The following CDK19 variants were observed in gnomAD, a reference collection of about 807,000 sequenced individuals.
The protein encoded by CDK19 is cyclin dependent kinase 19, also known as cyclin-dependent kinase 19.
CDK19 carries 20 observed loss-of-function variants against 68.3 expected under a neutral mutation model. The ratio of observed to expected loss-of-function variants is 0.29; its 90% confidence interval spans 0.21 to 0.43. The LOEUF is 0.43. Ranked by LOEUF, CDK19 falls within the 20% of genes least tolerant of loss-of-function variation. The pLI, the probability that CDK19 is intolerant of heterozygous loss-of-function variation, is 1.00. For missense variants in CDK19, 339 were observed against 623.5 expected (o/e 0.54, Z 4.86); for synonymous variants, 221 against 222.8 (o/e 0.99, Z 0.07).
chr6:110,726,045 G>A (rs754993618), intron 2 of CDK19, among the ~76,000 whole-genome samples: 32 of 151,514 alleles, frequency 2.1e-4, no homozygotes, highest in Non-Finnish European at 4.0e-4. Context: ...GTTGCTATGG[G>A]AACAACATTT....
intron 3 of CDK19, among the ~76,000 whole-genome samples, chr6:110,669,168 A>G (rs986946364): frequency 5.9e-5 from 9 of 152,226 alleles, no homozygotes; most frequent in Non-Finnish European, 5.9e-5. Context: ...ATATCCATGA[A>G]AAGAATTGAA....
intron 4 of CDK19, among the ~76,000 whole-genome samples, chr6:110,640,840 C>T (rs562858184): frequency 6.6e-6 from 1 of 152,128 alleles, no homozygotes; most frequent in East Asian, 1.9e-4. Flanking sequence ...GCCTGTGGTC[C>T]CAGCTACTTG....
intron 4 of CDK19, among the ~76,000 whole-genome samples, chr6:110,651,000 T>C (rs897250459): frequency 1.1e-4 from 17 of 151,972 alleles, no homozygotes; most frequent in East Asian, 7.7e-4. Context: ...TAGGAAAAAC[T>C]TGGGTGAGCG....
chr6:110,748,459 A>T (rs1778227591), intron 1 of CDK19, among the ~76,000 whole-genome samples: 1 of 152,212 alleles, frequency 6.6e-6, no homozygotes, highest in South Asian at 2.1e-4. Flanking sequence ...ATACTAAAAA[A>T]TTTGCAATTT....
chr6:110,756,748 A>G (rs1163953207), intron 1 of CDK19, among the ~76,000 whole-genome samples: 1 of 152,190 alleles, frequency 6.6e-6, no homozygotes, highest in Non-Finnish European at 1.5e-5. Flanking sequence ...AGCTGAAGGT[A>G]ACTGAGATTT....
intron 2 of CDK19, among the ~76,000 whole-genome samples, chr6:110,707,507 C>T (rs1176897059): frequency 4.6e-5 from 7 of 152,136 alleles, no homozygotes; most frequent in Non-Finnish European, 8.8e-5. Flanking sequence ...TGCACACAAA[C>T]ATACAATATT....
chr6:110,735,336 A>G (rs546601356), intron 2 of CDK19, among the ~76,000 whole-genome samples: 1 of 152,150 alleles, frequency 6.6e-6, no homozygotes, highest in African/African-American at 2.4e-5. Context: ...TATCAAAACA[A>G]ATACCACTCC....
rs574904880 is a variant in CDK19, at chr6:110,665,129, A to C, written c.456+2305T>G. On this transcript the variant is annotated intron_variant, in intron 4 of 12. Coordinates refer to ENST00000368911, the MANE Select transcript of CDK19 (RefSeq NM_015076.5). The stretch of plus-strand genomic sequence containing the variant: ...ATGAGGAACTATTTCAAAGTTCTTG[A>C]GCAGGAGCTGAGTAATTAGTCAGAA... Among the ~76,000 whole-genome samples the C allele has an allele frequency of 2.6e-5, 4 of 152,360 alleles. 1 individual carries two copies. In the South Asian group the frequency reaches 8.3e-4, roughly 32 times the overall value.
chr6:110,741,300 T>TAA (rs111770926), intron 2 of CDK19, among the ~76,000 whole-genome samples: 1 of 144,084 alleles, frequency 6.9e-6, no homozygotes, highest in Non-Finnish European at 1.5e-5. Flanking sequence ...TACAAAAAAT[T>TAA]AAAAAAAAAA....
rs1777949878 is a variant in CDK19, at chr6:110,610,209, C to T, written c.*4326G>A. ...GAAAAGCTACAGTCATCTCTATAACCATATAAAGGGGGATGCGTGCAGAAA... is the reference window on the plus strand; with the variant it reads ...GAAAAGCTACAGTCATCTCTATAACTATATAAAGGGGGATGCGTGCAGAAA... On this transcript the variant is annotated 3_prime_UTR_variant, in exon 13 of 13. Coordinates refer to ENST00000368911, the MANE Select transcript of CDK19 (RefSeq NM_015076.5). 1 of 152,294 alleles carries T rather than the reference C, an allele frequency of 6.6e-6. No homozygotes were observed. Among genetic ancestry groups the T allele is most frequent in the Non-Finnish European group, 1.5e-5 (1 of 68,014 alleles). 9.4% of individuals were successfully genotyped at this position (152,294 alleles called of 1,614,324 possible).
At chr6:110,651,232 A>ACTATCTATCTAT (rs61558536) in intron 4 of CDK19, among the ~76,000 whole-genome samples, 18,265 of 149,794 alleles carry the variant, frequency 0.12, 1,350 homozygotes, top group African/African-American at 0.2. Flanking sequence ...AAATAGATCT[A>ACTATCTATCTAT]CTATCTATCT....
intron 2 of CDK19, among the ~76,000 whole-genome samples, chr6:110,739,817 TATTATA>T (rs1339963331): frequency 6.6e-6 from 1 of 150,928 alleles, no homozygotes; most frequent in East Asian, 1.9e-4. Flanking sequence ...TTATTATTAT[TATTATA>T]GAGACAGGGT....
At chr6:110,750,396 G>A (rs1222307249) in intron 1 of CDK19, among the ~76,000 whole-genome samples, 1 of 152,082 alleles carries the variant, frequency 6.6e-6, no homozygotes, top group Non-Finnish European at 1.5e-5. Flanking sequence ...ATGACAGAGG[G>A]GTAATAAGAC....
At chr6:110,796,391 G>C (rs1264064151) in intron 1 of CDK19, among the ~76,000 whole-genome samples, 1 of 151,964 alleles carries the variant, frequency 6.6e-6, no homozygotes, top group Non-Finnish European at 1.5e-5. Flanking sequence ...GGTGGCACAT[G>C]CTTGTAATCC....
chr6:110,627,459 G>A (rs1469226280), intron 6 of CDK19, among the ~76,000 whole-genome samples: 1 of 152,002 alleles, frequency 6.6e-6, no homozygotes, highest in East Asian at 1.9e-4. Flanking sequence ...CAATAAATGG[G>A]GACAGTCAAT....
At chr6:110,727,818 A>G (rs950307285) in intron 2 of CDK19, among the ~76,000 whole-genome samples, 12 of 151,946 alleles carry the variant, frequency 7.9e-5, no homozygotes, top group African/African-American at 2.9e-4. Context: ...ACTAAAAAAA[A>G]AAGAAAGAAA....
At chr6:110,710,647 A>G (rs1774871527) in intron 2 of CDK19, among the ~76,000 whole-genome samples, 1 of 152,198 alleles carries the variant, frequency 6.6e-6, no homozygotes, top group South Asian at 2.1e-4. Flanking sequence ...CCATCTTCTC[A>G]CTGTAACCTC....
intron 1 of CDK19, among the ~76,000 whole-genome samples, chr6:110,792,910 T>G (rs1317723261): frequency 6.6e-6 from 1 of 152,196 alleles, no homozygotes; most frequent in Non-Finnish European, 1.5e-5. Context: ...TTTTATACAT[T>G]TTGACTCAAT....
chr6:110,668,714 C>G (rs954781577), intron 3 of CDK19, among the ~76,000 whole-genome samples: 4 of 152,028 alleles, frequency 2.6e-5, no homozygotes, highest in African/African-American at 9.7e-5. Context: ...TGCCTGTAAT[C>G]CCAGCTACAC....
Sources: gnomAD v4.1 joint callset for allele counts (sites outside exome capture counted in the v4.1 genomes callset) on GRCh38, gnomAD v4.1.1 for gene constraint, MANE v1.5 for transcripts, NCBI Gene and HGNC (gene_info 2026-07-23, HGNC 2026-07-21) for gene names.